The following RNF24 variants were observed in gnomAD, a reference collection of about 807,000 sequenced individuals.
RNF24 encodes the protein ring finger protein 24.
Under a neutral mutation model 20.0 loss-of-function variants are expected in RNF24, and 14 were observed. The observed-to-expected ratio is 0.70, with a 90% CI of 0.46 to 1.10. RNF24 has a LOEUF of 1.10. Among genes scored for constraint, RNF24 ranks in the 50% least tolerant of loss-of-function variants. The pLI is 0.00. For missense variants in RNF24, 124 were observed against 177.6 expected, an observed-to-expected ratio of 0.70 and a Z score of 1.71; for synonymous variants, 45 against 61.1, an observed-to-expected ratio of 0.74 and a Z score of 1.23.
chr20:3,987,262 G>A (rs965921766), intron 1 of RNF24, among the ~76,000 whole-genome samples: 2 of 152,162 alleles, frequency 1.3e-5, no homozygotes, highest in African/African-American at 4.8e-5. Context: ...CTCTCAGGTT[G>A]AAATTTACAT....
Position 3,942,005 on chromosome 20 carries a change from C to T in RNF24, c.228+3172G>A, listed in dbSNP as rs534119592. ...AGGAGAATTGCTTGAACCCAGGAGG[C>T]GGAGGTTGCAGTGAGCCAAGATTGT... On this transcript the variant is annotated intron_variant, in intron 4 of 5. Transcript: ENST00000358395. Among the ~76,000 whole-genome samples, 5 of 149,324 alleles carry T rather than the reference C, an allele frequency of 3.3e-5. No individual in the cohort carries two copies. The East Asian group carries it at 6.0e-4, about 18-fold the overall frequency.
At chr20:4,005,660 T>C (rs531419601) in intron 1 of RNF24, among the ~76,000 whole-genome samples, 1 of 152,330 alleles carries the variant, frequency 6.6e-6, no homozygotes, top group East Asian at 1.9e-4. Flanking sequence ...TTCAAATTTA[T>C]ATCACTGAGC....
chr20:3,975,260 G>C (rs1375862367), intron 1 of RNF24, among the ~76,000 whole-genome samples: 2 of 152,086 alleles, frequency 1.3e-5, no homozygotes, highest in African/African-American at 4.8e-5. Context: ...ACAACTCAAA[G>C]TGGATCATGA....
chr20:3,957,774 A>C (rs1183550459), intron 2 of RNF24, among the ~76,000 whole-genome samples: 1 of 152,072 alleles, frequency 6.6e-6, no homozygotes, highest in African/African-American at 2.4e-5. Flanking sequence ...TTTACATTGC[A>C]CTATTTTATT....
chr20:3,963,916 A>T lies in RNF24; in HGVS notation c.102T>A (p.Phe34Leu). 6.2e-7 allele frequency: 1 copy of T among 1,608,932 alleles called. No individual in the cohort carries two copies. The highest frequency in any genetic ancestry group is 8.5e-7 in the Non-Finnish European group (1 of 1,177,400). ...AGAAGAGTAAACTAAGGATGAAGAC[A>T]AATATAGCAGTACCAAAAACCACAA... ...IYIVVFGTAI[F>L]VFILSLLFCC... Residue 34 changes from phenylalanine to leucine, a missense_variant, in exon 2 of 6, where the codon TTT becomes TTA. Phe to Leu is a conservative substitution (Grantham distance 22, BLOSUM62 0). Coordinates refer to ENST00000358395, the MANE Select transcript of RNF24 (RefSeq NM_001134337.3).
chr20:3,979,649 T>G (rs1160318581), intron 1 of RNF24, among the ~76,000 whole-genome samples: 1 of 152,152 alleles, frequency 6.6e-6, no homozygotes, highest in East Asian at 1.9e-4. Context: ...CACTCCAACC[T>G]AGGTGACAAG....
intron 1 of RNF24, among the ~76,000 whole-genome samples, chr20:3,995,742 T>C (rs1056440941): frequency 6.6e-6 from 1 of 152,160 alleles, no homozygotes; most frequent in Admixed American, 6.5e-5. Context: ...ATCTTTAAAA[T>C]GATTTTAGGC....
At chr20:3,985,170 G>A (rs1008427538) in intron 1 of RNF24, among the ~76,000 whole-genome samples, 3 of 151,970 alleles carry the variant, frequency 2.0e-5, no homozygotes, top group South Asian at 2.1e-4. Context: ...TCATTATTTC[G>A]ATTCCATTTT....
intron 1 of RNF24, among the ~76,000 whole-genome samples, chr20:3,998,104 T>C (rs1436262469): frequency 6.6e-6 from 1 of 152,212 alleles, no homozygotes; most frequent in Non-Finnish European, 1.5e-5. Flanking sequence ...TTGGTTATCC[T>C]GAAATAAAAT....
intron 1 of RNF24, among the ~76,000 whole-genome samples, chr20:3,995,913 C>G (rs567298086): frequency 1.3e-5 from 2 of 151,940 alleles, no homozygotes; most frequent in Non-Finnish European, 2.9e-5. Context: ...TCAAGACTTG[C>G]AATTTCATTA....
intron 3 of RNF24, among the ~76,000 whole-genome samples, chr20:3,945,927 G>C (rs6116110): frequency 0.017 from 2,524 of 152,058 alleles, 84 homozygotes; most frequent in African/African-American, 0.058. Flanking sequence ...TCTAAATTTT[G>C]GTGTCTTACA....
At chr20:3,942,442 T>TA (rs754835071) in intron 4 of RNF24, among the ~76,000 whole-genome samples, 25 of 151,964 alleles carry the variant, frequency 1.6e-4, no homozygotes, top group African/African-American at 2.4e-4. Flanking sequence ...AAGTTGGAAT[T>TA]ACAAGTGTGA....
intron 1 of RNF24, among the ~76,000 whole-genome samples, chr20:4,014,090 C>G (rs964424744): frequency 6.6e-6 from 1 of 152,228 alleles, no homozygotes; most frequent in African/African-American, 2.4e-5. Flanking sequence ...GCTTCCTTCT[C>G]TCTCTGGAGA....
At chr20:3,951,039 T>A (rs1338535953) in intron 2 of RNF24, among the ~76,000 whole-genome samples, 1 of 152,202 alleles carries the variant, frequency 6.6e-6, no homozygotes, top group East Asian at 1.9e-4. Flanking sequence ...CACTGCAAGC[T>A]CCGCCTCCTG....
Position 3,988,977 on chromosome 20 carries a change from C to T in RNF24, c.-7-24953G>A, listed in dbSNP as rs116768824. 9.0e-3 allele frequency among the ~76,000 whole-genome samples: 1,365 copies of T among 151,972 alleles called. 21 individuals carry two copies. The highest frequency in any genetic ancestry group is 0.031 in the African/African-American group (1,290 of 41,466). On this transcript the variant is annotated intron_variant, in intron 1 of 5. Transcript: ENST00000358395. ...ATCTGTATTAAGAAAATATAAAAGA[C>T]ACAAAAGAAGATGTGAATGACTAAA... is the stretch of plus-strand genomic sequence containing the variant.
intron 1 of RNF24, among the ~76,000 whole-genome samples, chr20:3,984,782 CTTCT>C (rs770037279): frequency 2.0e-5 from 3 of 151,290 alleles, no homozygotes; most frequent in Non-Finnish European, 2.9e-5. Flanking sequence ...GAGGATAACT[CTTCT>C]TTCTTTCAAG....
intron 1 of RNF24, among the ~76,000 whole-genome samples, chr20:3,985,702 T>C (rs542090611): frequency 6.8e-6 from 1 of 147,360 alleles, no homozygotes; most frequent in Non-Finnish European, 1.5e-5. Context: ...CCTAGTAATT[T>C]TTTTTTTTTT....
intron 1 of RNF24, among the ~76,000 whole-genome samples, chr20:3,987,117 CTTCTA>C (rs1331979097): frequency 3.1e-4 from 47 of 152,178 alleles, no homozygotes; most frequent in African/African-American, 1.1e-3. Context: ...TAACTATTGA[CTTCTA>C]CATGATTCAT....
chr20:4,010,367 C>T (rs894001894), intron 1 of RNF24, among the ~76,000 whole-genome samples: 1 of 152,110 alleles, frequency 6.6e-6, no homozygotes, highest in South Asian at 2.1e-4. Flanking sequence ...AGTGAGACTC[C>T]ATCTCAAAAT....
Sources: allele counts gnomAD v4.1 joint callset (sites outside exome capture counted in the v4.1 genomes callset), GRCh38; gene constraint gnomAD v4.1.1; transcripts MANE v1.5; gene names NCBI Gene and HGNC (gene_info 2026-07-23, HGNC 2026-07-21).